Variants in LRBA observed in about 807,000 individuals in gnomAD.
LRBA encodes lipopolysaccharide-responsive and beige-like anchor protein.
Under a neutral mutation model 330.0 loss-of-function variants are expected in LRBA, and 176 were observed. The ratio of observed to expected loss-of-function variants is 0.53; its 90% CI spans 0.47 to 0.60. LRBA has a LOEUF of 0.60. Ranked by LOEUF, LRBA falls within the 20% of genes least tolerant of loss-of-function variation. The pLI is 0.00. For missense variants in LRBA, 3,259 were observed against 3,444.8 expected, an observed-to-expected ratio of 0.95 and a Z score of 1.35; for synonymous variants, 1,230 against 1,193.0, an observed-to-expected ratio of 1.03 and a Z score of -0.64.
chr4:150,444,804 T>C (rs929872075), intron 44 of LRBA, among the ~76,000 whole-genome samples: 2 of 152,206 alleles, frequency 1.3e-5, no homozygotes, highest in East Asian at 3.8e-4. Context: ...TTACTTATTG[T>C]GCCTATGTAG....
chr4:150,814,645 G>T (rs780840139), intron 31 of LRBA, among the ~76,000 whole-genome samples: 2 of 151,302 alleles, frequency 1.3e-5, no homozygotes, highest in Admixed American at 6.6e-5. Context: ...TTAAAAATGG[G>T]GGGGGCTAAG....
intron 44 of LRBA, among the ~76,000 whole-genome samples, chr4:150,438,579 A>C (rs1561178605): frequency 1.3e-5 from 2 of 152,162 alleles, no homozygotes; most frequent in Non-Finnish European, 2.9e-5. Context: ...CCTATTAGTT[A>C]ATCACTCCTT....
At chr4:150,534,940 C>T (rs1764485610) in intron 40 of LRBA, among the ~76,000 whole-genome samples, 1 of 152,144 alleles carries the variant, frequency 6.6e-6, no homozygotes, top group African/African-American at 2.4e-5. Context: ...TGTGATAAAA[C>T]TGTGATTAAA....
intron 37 of LRBA, among the ~76,000 whole-genome samples, chr4:150,604,987 T>C (rs568210169): frequency 3.5e-4 from 54 of 152,150 alleles, no homozygotes; most frequent in Admixed American, 6.5e-4. Flanking sequence ...TGCTTGGTTG[T>C]CAAAACACAA....
intron 36 of LRBA, among the ~76,000 whole-genome samples, chr4:150,686,554 A>G (rs984481624): frequency 4.6e-5 from 7 of 152,206 alleles, no homozygotes; most frequent in Admixed American, 4.6e-4. Context: ...GAAGCATTCT[A>G]TAGGTTATTT....
At position 150,806,593 on chromosome 4, in the gene LRBA, T is replaced by C. The variant is rs1263083303; in HGVS notation, c.5385-189A>G. Among the ~76,000 whole-genome samples the C allele has an allele frequency of 3.9e-5, 6 of 152,122 alleles. 1 individual carries two copies. The highest frequency in any genetic ancestry group is 2.9e-5 in the Non-Finnish European group (2 of 68,006). Reference sequence around the variant, plus strand: ...ATATTCGTTTTTATCCTGATCTATCTTGCCCCTACAATCTCCAACAAACAA... The same window carrying C: ...ATATTCGTTTTTATCCTGATCTATCCTGCCCCTACAATCTCCAACAAACAA... On this transcript the variant is annotated intron_variant, in intron 32 of 56. Coordinates refer to ENST00000651943, the MANE Select transcript of LRBA (RefSeq NM_001364905.1).
chr4:150,418,600 T>G (rs930345751), intron 46 of LRBA, among the ~76,000 whole-genome samples: 2 of 152,196 alleles, frequency 1.3e-5, no homozygotes, highest in African/African-American at 4.8e-5. Flanking sequence ...GTAAACATAT[T>G]TCAAAATTAA....
intron 48 of LRBA, among the ~76,000 whole-genome samples, chr4:150,334,226 GATAA>G (rs1561028109): frequency 1.3e-5 from 2 of 151,918 alleles, no homozygotes; most frequent in South Asian, 2.1e-4. Flanking sequence ...AAACATAAGA[GATAA>G]ATAGTTTTTC....
At chr4:150,488,970 A>G (rs1003438168) in intron 41 of LRBA, among the ~76,000 whole-genome samples, 8 of 131,488 alleles carry the variant, frequency 6.1e-5, no homozygotes, top group Non-Finnish European at 1.3e-4. Flanking sequence ...TATATTATAT[A>G]TAAGAATATA....
At chr4:150,958,155 G>C (rs1010357081) in intron 2 of LRBA, among the ~76,000 whole-genome samples, 1 of 148,996 alleles carries the variant, frequency 6.7e-6, no homozygotes, top group Admixed American at 6.6e-5. Flanking sequence ...CTTAGCAGAG[G>C]TTCTCTGTGA....
At chr4:150,891,629 G>A (rs1233884511) in intron 17 of LRBA, among the ~76,000 whole-genome samples, 1 of 152,136 alleles carries the variant, frequency 6.6e-6, no homozygotes, top group African/African-American at 2.4e-5. Flanking sequence ...TCTCCAGTCA[G>A]CCTGCCTATC....
chr4:150,369,988 C>T (rs1740029595), intron 47 of LRBA, among the ~76,000 whole-genome samples: 1 of 152,166 alleles, frequency 6.6e-6, no homozygotes. Context: ...GTGCTTTCTT[C>T]ATGACTGCTC....
intron 19 of LRBA, among the ~76,000 whole-genome samples, chr4:150,870,911 C>T (rs1365542732): frequency 1.3e-5 from 2 of 152,082 alleles, no homozygotes; most frequent in Non-Finnish European, 2.9e-5. Flanking sequence ...AAAAATGCAG[C>T]CACATCTCCT....
intron 2 of LRBA, among the ~76,000 whole-genome samples, chr4:150,975,818 ATATGGGACAG>A (rs1008727652): frequency 7.2e-5 from 11 of 152,150 alleles, no homozygotes; most frequent in Non-Finnish European, 1.5e-4. Flanking sequence ...TCTAATGGAA[ATATGGGACAG>A]TATCCAAAAG....
intron 35 of LRBA, among the ~76,000 whole-genome samples, chr4:150,744,925 A>T (rs531779504): frequency 6.6e-6 from 1 of 152,330 alleles, no homozygotes; most frequent in South Asian, 2.1e-4. Flanking sequence ...TACTTATGTA[A>T]TAAAGTTCTG....
chr4:151,009,514 A>C (rs973545916), intron 2 of LRBA, among the ~76,000 whole-genome samples: 1 of 148,838 alleles, frequency 6.7e-6, no homozygotes, highest in Admixed American at 6.8e-5. Context: ...GCGCCACTGC[A>C]CTCCAGCCTG....
chr4:150,765,770 T>C (rs1735688653), intron 34 of LRBA, among the ~76,000 whole-genome samples: 1 of 152,018 alleles, frequency 6.6e-6, no homozygotes, highest in Admixed American at 6.6e-5. Context: ...AGGGTAAACA[T>C]CATTTAGATT....
In LRBA at chr4:150,321,272, G is replaced by T; in HGVS notation, c.7549C>A (p.Gln2517Lys). ...ACAGCGGGAGTTGCCAAACCAGGCT[G>T]GGTGTTGGCTGCCACGTGAGTAACA... ...SPVTHVAANTQPGLATPAVIT... is the reference protein window; with the variant it reads ...SPVTHVAANTKPGLATPAVIT... The change falls in exon 50 of 57, where the codon CAG becomes AAG. Residue 2517 changes from glutamine (Q) to lysine (K), a missense_variant. Gln to Lys is a moderately conservative substitution (Grantham distance 53). Coordinates refer to ENST00000651943, the MANE Select transcript of LRBA (RefSeq NM_001364905.1). This position sits in a 1 kb window ranked among gnomAD's most constrained non-coding sequence, Gnocchi z 4.5. 1 of 1,612,692 alleles carries T rather than the reference G, an allele frequency of 6.2e-7. No homozygotes were observed. Among genetic ancestry groups the T allele is most frequent in the East Asian group, 2.2e-5 (1 of 44,832 alleles).
chr4:150,724,336 T>A (rs1049888312), intron 36 of LRBA, among the ~76,000 whole-genome samples: 15 of 152,138 alleles, frequency 9.9e-5, no homozygotes, highest in Non-Finnish European at 1.3e-4. Flanking sequence ...ATCCAGATAA[T>A]TCTTCCACAT....
Sources: allele counts gnomAD v4.1 joint callset (sites outside exome capture counted in the v4.1 genomes callset), GRCh38; gene constraint gnomAD v4.1.1; non-coding constraint Gnocchi (gnomAD v3.1); transcripts MANE v1.5; gene names NCBI Gene and HGNC (gene_info 2026-07-23, HGNC 2026-07-21).